VPS45: variants seen among roughly 807,000 people sequenced by gnomAD.
VPS45 encodes the protein vacuolar protein sorting 45 homolog.
A neutral mutation model predicts 75.9 loss-of-function variants in VPS45; 35 were observed. That is an observed-to-expected ratio of 0.46 (90% confidence interval 0.35 to 0.61). The LOEUF is 0.61. Among genes scored for constraint, VPS45 ranks in the 20% least tolerant of loss-of-function variants. VPS45 has a pLI of 0.00. For missense variants in VPS45, 559 were observed against 685.9 expected (o/e 0.81, Z 2.07); for synonymous variants, 220 against 238.2 (o/e 0.92, Z 0.70).
At chr1:150,070,981 G>A (rs1202446644) in intron 2 of VPS45, among the ~76,000 whole-genome samples, 1 of 151,772 alleles carries the variant, frequency 6.6e-6, no homozygotes, top group Non-Finnish European at 1.5e-5. Flanking sequence ...AGTAATTGAG[G>A]TTTAAAAGAT....
intron 14 of VPS45, among the ~76,000 whole-genome samples, chr1:150,129,784 C>G (rs1281307601): frequency 1.3e-5 from 2 of 151,006 alleles, no homozygotes; most frequent in African/African-American, 4.9e-5. Flanking sequence ...AAGTCCTGAC[C>G]TCAAGTGATC....
At chr1:150,107,048 A>G (rs1287665166) in intron 13 of VPS45, among the ~76,000 whole-genome samples, 1 of 152,008 alleles carries the variant, frequency 6.6e-6, no homozygotes, top group Non-Finnish European at 1.5e-5. Flanking sequence ...ACCTTTCTGA[A>G]AATGTCCTTC....
intron 14 of VPS45, among the ~76,000 whole-genome samples, chr1:150,118,594 C>T (rs587721567): frequency 5.3e-5 from 8 of 152,068 alleles, no homozygotes; most frequent in South Asian, 2.1e-4. Flanking sequence ...TTGGTAGAGA[C>T]GGGGTTTCAC....
chr1:150,126,773 C>G (rs782612204), intron 14 of VPS45, among the ~76,000 whole-genome samples: 2 of 152,092 alleles, frequency 1.3e-5, no homozygotes, highest in Non-Finnish European at 2.9e-5. Context: ...CAAGAACAGC[C>G]TGGGCAACAT....
intron 14 of VPS45, among the ~76,000 whole-genome samples, chr1:150,125,567 A>G (rs11205329): frequency 0.27 from 37,865 of 139,542 alleles, 7,445 homozygotes; most frequent in African/African-American, 0.56. Context: ...ACCAAACACC[A>G]CATGTTCTCA....
At position 150,072,163 on chromosome 1, in the gene VPS45, T is replaced by C. The variant is rs1553797180; in HGVS notation, c.229-3T>C. 1 of 1,605,946 alleles carries C rather than the reference T, an allele frequency of 6.2e-7. No individual in the cohort carries two copies. Among genetic ancestry groups the C allele is most frequent in the Non-Finnish European group, 8.5e-7 (1 of 1,175,892 alleles). On this transcript the variant is annotated splice_region_variant and splice_polypyrimidine_tract_variant and intron_variant, in intron 2 of 14. Transcript: ENST00000644510. ...TTTTGTTTGCTTGTTCTTCATTTTC[T>C]AGGAGAATGTGGATTATATTATTCA...
chr1:150,122,549 C>G (rs1049121583), intron 14 of VPS45, among the ~76,000 whole-genome samples: 17 of 151,600 alleles, frequency 1.1e-4, no homozygotes, highest in Non-Finnish European at 2.9e-5. Flanking sequence ...CTGCTTTTCA[C>G]TAGGAGTTAG....
intron 13 of VPS45, among the ~76,000 whole-genome samples, chr1:150,097,325 C>G: frequency 6.6e-6 from 1 of 151,112 alleles, no homozygotes; most frequent in South Asian, 2.1e-4. Context: ...ACCTCGTGAT[C>G]CGCCCGCCTC....
chr1:150,119,857 C>T (rs1658140502), intron 14 of VPS45, among the ~76,000 whole-genome samples: 1 of 152,186 alleles, frequency 6.6e-6, no homozygotes, highest in Non-Finnish European at 1.5e-5. Context: ...GCCTGTAATC[C>T]CAGCACTTTG....
chr1:150,102,175 T>C (rs1480555174), intron 13 of VPS45, among the ~76,000 whole-genome samples: 2 of 147,688 alleles, frequency 1.4e-5, no homozygotes, highest in African/African-American at 5.1e-5. Flanking sequence ...GAGGTGGAGA[T>C]TGTGATGAGC....
chr1:150,138,848 C>T (rs1346138024), intron 14 of VPS45, among the ~76,000 whole-genome samples: 2 of 152,076 alleles, frequency 1.3e-5, no homozygotes, highest in African/African-American at 4.8e-5. Flanking sequence ...TCAATATAAT[C>T]CTCCCTCCGA....
intron 14 of VPS45, among the ~76,000 whole-genome samples, chr1:150,122,943 A>T (rs893090178): frequency 4.8e-5 from 7 of 144,670 alleles, no homozygotes; most frequent in African/African-American, 1.8e-4. Flanking sequence ...AGGTTGCATC[A>T]CGCCATTACA....
intron 14 of VPS45, among the ~76,000 whole-genome samples, chr1:150,117,937 T>G (rs2101623368): frequency 6.6e-6 from 1 of 152,182 alleles, no homozygotes; most frequent in South Asian, 2.1e-4. Flanking sequence ...AATTTAGTCA[T>G]AGTACATACA....
chr1:150,131,858 A>C (rs1204669232), intron 14 of VPS45, among the ~76,000 whole-genome samples: 2 of 152,114 alleles, frequency 1.3e-5, no homozygotes, highest in Admixed American at 6.6e-5. Context: ...TAAGTAAATA[A>C]ATAAAAATTA....
At chr1:150,128,739 TTTC>T (rs1300944415) in intron 14 of VPS45, among the ~76,000 whole-genome samples, 3 of 1,122 alleles carry the variant, frequency 2.7e-3, no homozygotes, top group African/African-American at 0.018. Context: ...AGAGATTTTC[TTTC>T]TTTTTTTTTT....
At chr1:150,097,357 G>A (rs1656722736) in intron 13 of VPS45, among the ~76,000 whole-genome samples, 2 of 151,396 alleles carry the variant, frequency 1.3e-5, no homozygotes, top group Non-Finnish European at 2.9e-5. Context: ...CGCCCGCCTC[G>A]GCCTCCCAAA....
At chr1:150,144,608 T>C in intron 14 of VPS45, 101 bp from the exon 15 acceptor site, 2 of 1,015,888 alleles carry the variant, frequency 2.0e-6, no homozygotes, top group Non-Finnish European at 2.9e-6. Flanking sequence ...CTGCCTACTA[T>C]TCATGATATA....
intron 14 of VPS45, among the ~76,000 whole-genome samples, chr1:150,121,852 C>T (rs1255277745): frequency 1.3e-5 from 2 of 151,830 alleles, no homozygotes; most frequent in African/African-American, 2.4e-5. Context: ...CAGGGGGAGA[C>T]AGAAATAAAC....
rs189799941 is a variant in VPS45 at position 150,136,210 on chromosome 1, C to T, written c.1626-8499C>T. On this transcript the variant is annotated intron_variant, in intron 14 of 14. Coordinates refer to ENST00000644510, the MANE Select transcript of VPS45 (RefSeq NM_007259.5). ...ATTGCAGTGAGCCGAGATCGTCCCACTGCACTCCAGCTTGGGCAACAGAGT... is the reference window on the plus strand; with the variant it reads ...ATTGCAGTGAGCCGAGATCGTCCCATTGCACTCCAGCTTGGGCAACAGAGT... Among the ~76,000 whole-genome samples the T allele has an allele frequency of 2.4e-3, 329 of 139,122 alleles. 1 individual carries two copies. Among genetic ancestry groups the T allele is most frequent in the African/African-American group, 8.3e-3 (306 of 36,794 alleles). 91.3% of individuals were successfully genotyped at this position (139,122 alleles called of 152,430 possible).
Sources: gnomAD v4.1 joint callset for allele counts (sites outside exome capture counted in the v4.1 genomes callset) on GRCh38, gnomAD v4.1.1 for gene constraint, MANE v1.5 for transcripts, NCBI Gene and HGNC (gene_info 2026-07-23, HGNC 2026-07-21) for gene names.